Variants in RNASEH2B observed in about 807,000 individuals in gnomAD.
RNASEH2B encodes the protein ribonuclease H2 subunit B, also known as Aicardi-Goutieres syndrome 2 protein.
A neutral mutation model predicts 45.0 loss-of-function variants in RNASEH2B; 36 were observed. That is an observed-to-expected ratio of 0.80 (90% CI 0.61 to 1.06). The LOEUF is 1.06. Among genes scored for constraint, RNASEH2B ranks in the 50% least tolerant of loss-of-function variants. The pLI is 0.00. For missense variants in RNASEH2B, 361 were observed against 360.3 expected (o/e 1.00, Z -0.02); for synonymous variants, 119 against 125.7 (o/e 0.95, Z 0.35).
At chr13:50,950,787 A>G (rs1951966771) in intron 9 of RNASEH2B, 1 of 152,190 alleles carries the variant, frequency 6.6e-6, no homozygotes, top group Admixed American at 6.5e-5. Flanking sequence ...TTGGAGTAAT[A>G]TGTTTCATAA....
chr13:50,969,212 C>T (rs1226825032), intron 9 of RNASEH2B, among the ~76,000 whole-genome samples: 1 of 152,112 alleles, frequency 6.6e-6, no homozygotes, highest in Non-Finnish European at 1.5e-5. Flanking sequence ...AAAAGCTGAC[C>T]AGGCAGGGCA....
chr13:50,909,697 G>A (rs1879215593), upstream of RNASEH2B: 4 of 183,824 alleles, frequency 2.2e-5, no homozygotes, highest in Non-Finnish European at 3.4e-5. Context: ...AGACCATGGA[G>A]GGCCGCTGGG....
chr13:50,969,264 C>T (rs1414009459), intron 9 of RNASEH2B, among the ~76,000 whole-genome samples: 1 of 152,050 alleles, frequency 6.6e-6, no homozygotes, highest in Non-Finnish European at 1.5e-5. Context: ...GCCTTGCTTC[C>T]TTCTCATCCA....
intron 9 of RNASEH2B, among the ~76,000 whole-genome samples, chr13:50,969,611 A>G (rs1952201436): frequency 6.6e-6 from 1 of 150,770 alleles, no homozygotes; most frequent in South Asian, 2.1e-4. Context: ...TTTTTTTCCT[A>G]TAAGATGGTG....
chr13:50,912,106 G>C (rs1043824928), intron 1 of RNASEH2B: 1 of 152,336 alleles, frequency 6.6e-6, no homozygotes, highest in African/African-American at 2.4e-5. Flanking sequence ...CTGAGCAGCT[G>C]TTGGAACTGC....
Position 50,915,002 on chromosome 13 carries a change from G to A in RNASEH2B, c.64+4862G>A, listed in dbSNP as rs138693795. Among the ~76,000 whole-genome samples the A allele has an allele frequency of 5.7e-3, 874 of 152,264 alleles. 6 individuals are homozygous for A. The highest frequency in any genetic ancestry group is 8.9e-3 in the Non-Finnish European group (608 of 68,026). ...ATTTATTAGCTCTGTGTCATTGGGT[G>A]GTTTACTTCCTCACTATAAAGCCTC... On this transcript the variant is annotated intron_variant, in intron 1 of 10. Coordinates refer to ENST00000336617, the MANE Select transcript of RNASEH2B (RefSeq NM_024570.4).
At chr13:50,929,083 T>G (rs545694244) in intron 2 of RNASEH2B, among the ~76,000 whole-genome samples, 1 of 152,126 alleles carries the variant, frequency 6.6e-6, no homozygotes, top group Admixed American at 6.5e-5. Context: ...TCAGACCCTG[T>G]GTGGGGAGAG....
chr13:50,930,767 T>C lies in RNASEH2B; in HGVS notation c.321+8T>C, dbSNP rs766207888. On this transcript the variant is annotated splice_region_variant and intron_variant, in intron 4 of 10. Transcript: ENST00000336617. ...ATAAAGGCTGATAAGGAGGTGAGTT[T>C]CCAGCTCGGAGCATCCACAGTGAGG... The C allele has an allele frequency of 3.7e-6, 6 of 1,604,158 alleles. No individual in the cohort carries two copies. The South Asian group carries it at 6.6e-5, about 18-fold the overall frequency.
At chr13:50,942,027 A>G (rs1951838852) in intron 5 of RNASEH2B, 1 of 152,238 alleles carries the variant, frequency 6.6e-6, no homozygotes, top group Non-Finnish European at 1.5e-5. Context: ...TGAACCCTGA[A>G]TGGGCAGTTT....
At position 50,947,957 on chromosome 13, in the gene RNASEH2B, TGCTTTCACTCCTCCTTCTG is replaced by T. The variant is rs1593474740; in HGVS notation, c.617-29_617-11del. The T allele has an allele frequency of 5.0e-6, 8 of 1,604,964 alleles. No individual in the cohort carries two copies. The highest frequency in any genetic ancestry group is 3.3e-5 in the Admixed American group (2 of 59,736). ...CACCATAATTACTATTTTTTTTTTT[TGCTTTCACTCCTCCTTCTG>T]TTTCTTTCAGAGGATTATATTCGTT... On this transcript the variant is annotated splice_polypyrimidine_tract_variant and intron_variant, in intron 7 of 10. Transcript: ENST00000336617.
intron 1 of RNASEH2B, chr13:50,912,292 A>AGATGC (rs1879459296): frequency 2.0e-5 from 3 of 152,296 alleles, no homozygotes; most frequent in Admixed American, 1.3e-4. Flanking sequence ...GGCATCATTT[A>AGATGC]CCTGGGGAGC....
chr13:50,912,157 A>G (rs1387626767), intron 1 of RNASEH2B: 3 of 152,290 alleles, frequency 2.0e-5, no homozygotes, highest in South Asian at 4.1e-4. Context: ...AACTCTTAAC[A>G]GTTAAAAACT....
intron 5 of RNASEH2B, chr13:50,937,576 C>T (rs1004469895): frequency 6.6e-6 from 1 of 152,082 alleles, no homozygotes; most frequent in African/African-American, 2.4e-5. Flanking sequence ...TCTCAAATGC[C>T]TCATCCTTAA....
In RNASEH2B at chr13:50,956,384, G is replaced by C. The variant is rs1245790711; in HGVS notation, c.849G>C (p.Gln283His). 1 of 1,603,110 alleles carries C rather than the reference G, an allele frequency of 6.2e-7. No homozygotes were observed. Among genetic ancestry groups the C allele is most frequent in the Admixed American group, 1.7e-5 (1 of 59,396 alleles). Residue 283 changes from glutamine (Q) to histidine (H), a missense_variant, in exon 11 of 11, where the codon CAG becomes CAC. Transcript: ENST00000336617. ...AAAATAGCAAAATGACTGCAGCTCA[G>C]AAGGCTTTGGCTAAAGTTGACAAGA... ...EKKNSKMTAA[Q>H]KALAKVDKSG... is the part of the protein sequence containing the mutation.
Position 50,910,116 on chromosome 13 carries a change from C to T in RNASEH2B, c.40C>T (p.Arg14Trp), listed in dbSNP as rs900876937. 1.1e-4 allele frequency: 161 copies of T among 1,458,770 alleles called. No homozygotes were observed. The highest frequency in any genetic ancestry group is 1.4e-4 in the Non-Finnish European group (153 of 1,107,380). 90.4% of individuals were successfully genotyped at this position (1,458,770 alleles called of 1,614,324 possible). A position where few individuals can be genotyped will look rare whatever the true frequency, so the allele number is the denominator to read the frequency against. The stretch of plus-strand genomic sequence containing the variant: ...GGACTGCGGGGACGGGGTTGGCGCC[C>T]GGCAGCACGTGTTCCTGGTTTCAGG... ...GVDCGDGVGA[R>W]QHVFLVSEYL... The change falls in exon 1 of 11, where the codon CGG becomes TGG. Residue 14 changes from arginine (R) to tryptophan (W), a missense_variant. Arg to Trp is a moderately radical substitution (Grantham distance 101, BLOSUM62 -3). Transcript: ENST00000336617.
chr13:50,943,301 A>G lies in RNASEH2B; in HGVS notation c.437-20A>G, dbSNP rs779476919. 4 of 1,353,246 alleles carry G rather than the reference A, an allele frequency of 3.0e-6. No homozygotes were observed. Among genetic ancestry groups the G allele is most frequent in the Non-Finnish European group, 4.2e-6 (4 of 945,664 alleles). 83.8% of individuals were successfully genotyped at this position (1,353,246 alleles called of 1,614,324 possible). ...ATTTTTTTTTTAATTCATTGTGCTG[A>G]GTCTTTTTTTTCTTTTAAGGTAATC... is the stretch of plus-strand genomic sequence containing the variant. On this transcript the variant is annotated intron_variant, in intron 5 of 10. Coordinates refer to ENST00000336617, the MANE Select transcript of RNASEH2B (RefSeq NM_024570.4).
chr13:50,956,727 A>G lies in RNASEH2B; in HGVS notation c.*253A>G, dbSNP rs1026572278. On this transcript the variant is annotated 3_prime_UTR_variant, in exon 11 of 11. Transcript: ENST00000336617. ...CACTTGAAGAGAATTAACATATAGC[A>G]TCATGATTTTCTCAATAAACTGATG... The G allele has an allele frequency of 5.8e-6, 7 of 1,209,374 alleles. No individual in the cohort carries two copies. The Admixed American group carries it at 1.1e-4, about 19-fold the overall frequency. 74.9% of individuals were successfully genotyped at this position (1,209,374 alleles called of 1,614,324 possible).
At chr13:50,949,386 T>C in intron 8 of RNASEH2B, 77 bp from the exon 9 acceptor site, 1 of 1,309,538 alleles carries the variant, frequency 7.6e-7, no homozygotes, top group East Asian at 2.3e-5. Flanking sequence ...ACTTACTAAG[T>C]CTTAAGTTGG....
At chr13:50,945,672 G>A in intron 7 of RNASEH2B, 140 bp downstream of exon 7, 1 of 676,928 alleles carries the variant, frequency 1.5e-6, no homozygotes, top group Non-Finnish European at 2.7e-6. Context: ...TGTGGCAGGT[G>A]TGCATCTTAT....
Sources: gnomAD v4.1 joint callset for allele counts (sites outside exome capture counted in the v4.1 genomes callset) on GRCh38, gnomAD v4.1.1 for gene constraint, MANE v1.5 for transcripts, NCBI Gene and HGNC (gene_info 2026-07-23, HGNC 2026-07-21) for gene names.